The following CHST8 variants were observed in gnomAD, a reference collection of about 807,000 sequenced individuals.
The protein encoded by CHST8 is carbohydrate sulfotransferase 8.
In CHST8, 10 loss-of-function variants were observed where a neutral mutation model predicts 15.0. The ratio of observed to expected loss-of-function variants is 0.67; its 90% CI spans 0.41 to 1.13. The LOEUF (loss-of-function observed/expected upper bound fraction) is 1.13. Ranked by LOEUF, CHST8 falls within the 50% of genes most tolerant of loss-of-function variation. The pLI is 0.00. For synonymous variants in CHST8, 259 were observed against 256.6 expected, an observed-to-expected ratio of 1.01 and a Z score of -0.09; for missense variants, 634 against 608.2, an observed-to-expected ratio of 1.04 and a Z score of -0.45.
In CHST8 at chr19:33,650,518, C is replaced by CTTTTTTTTTTTTTTTT. The variant is rs869057036; in HGVS notation, c.-163-17235_-163-17220dup. Among the ~76,000 whole-genome samples, 277 of 36,158 alleles carry CTTTTTTTTTTTTTTTT rather than the reference C, an allele frequency of 7.7e-3. 22 individuals carry two copies. The highest frequency in any genetic ancestry group is 0.011 in the Non-Finnish European group (220 of 20,944). 23.7% of individuals were successfully genotyped at this position (36,158 alleles called of 152,430 possible). A position where few individuals can be genotyped will look rare whatever the true frequency, so the allele number is the denominator to read the frequency against. On this transcript the variant is annotated intron_variant, in intron 1 of 4. Transcript: ENST00000650847. ...TTCTTTTTCTTTTTCTTTTTCTTTTCTTTTTTTTTTTTTTTTTTTTTTTTT... is the reference window on the plus strand; with the variant it reads ...TTCTTTTTCTTTTTCTTTTTCTTTTCTTTTTTTTTTTTTTTTTTTTTTTTTTTTTTTTTTTTTTTTT...
At position 33,638,052 on chromosome 19, in the gene CHST8, C is replaced by A. The variant is rs540189468; in HGVS notation, c.-164+15756C>A. 5.9e-5 allele frequency among the ~76,000 whole-genome samples: 9 copies of A among 152,052 alleles called. No individual in the cohort carries two copies. The South Asian group carries it at 1.9e-3, about 32-fold the overall frequency. On this transcript the variant is annotated intron_variant, in intron 1 of 4. Coordinates refer to ENST00000650847, the MANE Select transcript of CHST8 (RefSeq NM_001127895.2). Reference sequence around the variant, plus strand: ...CTTGCTCTCATGTTTGTTTCCTGGGCGACTGTGTGATGGATCTTCCCTGCA... The same window carrying A: ...CTTGCTCTCATGTTTGTTTCCTGGGAGACTGTGTGATGGATCTTCCCTGCA...
chr19:33,743,681 T>G (rs1974250248), intron 3 of CHST8, among the ~76,000 whole-genome samples: 1 of 152,206 alleles, frequency 6.6e-6, no homozygotes, highest in Non-Finnish European at 1.5e-5. Flanking sequence ...TCTAGCAGCA[T>G]GTCTGCATCG....
chr19:33,757,530 A>G (rs866825981), intron 3 of CHST8, among the ~76,000 whole-genome samples: 1,932 of 29,390 alleles, frequency 0.066, 406 homozygotes, highest in Non-Finnish European at 0.096. Context: ...AAGAGAAAGA[A>G]AGAAAGAAAG....
chr19:33,656,877 A>G (rs1225966686), intron 1 of CHST8, among the ~76,000 whole-genome samples: 2 of 152,156 alleles, frequency 1.3e-5, no homozygotes, highest in African/African-American at 4.8e-5. Flanking sequence ...TTATCTATTT[A>G]TAATGTATCA....
chr19:33,712,767 G>A (rs1299464066), intron 3 of CHST8, among the ~76,000 whole-genome samples: 1 of 152,112 alleles, frequency 6.6e-6, no homozygotes, highest in Admixed American at 6.5e-5. Context: ...CAAGTGAGTT[G>A]AGGAGGAGAC....
At chr19:33,687,241 G>T (rs141169201) in intron 2 of CHST8, among the ~76,000 whole-genome samples, 128 of 152,368 alleles carry the variant, frequency 8.4e-4, no homozygotes, top group African/African-American at 1.9e-3. Flanking sequence ...TTACAGTGCT[G>T]CATCTGTGTC....
At chr19:33,755,640 G>T (rs923634894) in intron 3 of CHST8, among the ~76,000 whole-genome samples, 2 of 152,218 alleles carry the variant, frequency 1.3e-5, no homozygotes, top group African/African-American at 4.8e-5. Context: ...CCGCAAAGAG[G>T]TGCCCAAAAC....
At chr19:33,689,998 C>T (rs1973067090) in intron 3 of CHST8, among the ~76,000 whole-genome samples, 2 of 152,116 alleles carry the variant, frequency 1.3e-5, no homozygotes, top group Non-Finnish European at 2.9e-5. Context: ...TCTGGCATCT[C>T]AGGGCAGACG....
Position 33,759,335 on chromosome 19 carries a change from G to A in CHST8, c.131-12078G>A, listed in dbSNP as rs370862619. Among the ~76,000 whole-genome samples the A allele has an allele frequency of 8.5e-5, 13 of 152,376 alleles. No individual in the cohort carries two copies. In the East Asian group the frequency reaches 1.5e-3, roughly 18 times the overall value. ...AAATGAGGTGCCTTCCTGCAGAGCTGGCTGCAGAGTGGTCACCACGTGCCA... is the reference window on the plus strand; with the variant it reads ...AAATGAGGTGCCTTCCTGCAGAGCTAGCTGCAGAGTGGTCACCACGTGCCA... On this transcript the variant is annotated intron_variant, in intron 3 of 4. Coordinates refer to ENST00000650847, the MANE Select transcript of CHST8 (RefSeq NM_001127895.2).
At chr19:33,699,579 C>T (rs896541001) in intron 3 of CHST8, among the ~76,000 whole-genome samples, 25 of 152,146 alleles carry the variant, frequency 1.6e-4, no homozygotes, top group African/African-American at 6.0e-4. Flanking sequence ...AGGGGTCTCC[C>T]TCCGCAGCAC....
chr19:33,675,020 C>T (rs1972791333), intron 2 of CHST8, among the ~76,000 whole-genome samples: 1 of 152,092 alleles, frequency 6.6e-6, no homozygotes, highest in African/African-American at 2.4e-5. Flanking sequence ...CAGGATGGAG[C>T]CGTAGAGACA....
At chr19:33,624,226 C>A (rs1399071476) in intron 1 of CHST8, among the ~76,000 whole-genome samples, 1 of 152,196 alleles carries the variant, frequency 6.6e-6, no homozygotes, top group African/African-American at 2.4e-5. Flanking sequence ...CGAGAGGCAT[C>A]CATCAGGCAG....
In CHST8 at chr19:33,713,206, G is replaced by A. The variant is rs922709017; in HGVS notation, c.130+23815G>A. Among the ~76,000 whole-genome samples the A allele has an allele frequency of 2.0e-5, 3 of 152,170 alleles. No homozygotes were observed. The South Asian group carries it at 6.2e-4, about 31-fold the overall frequency. ...AAGACCTAATGTGATTCTGTGGGTG[G>A]GTGCAGGTGAAGTTCACCTGCTGCT... On this transcript the variant is annotated intron_variant, in intron 3 of 4. Coordinates refer to ENST00000650847, the MANE Select transcript of CHST8 (RefSeq NM_001127895.2).
At chr19:33,683,219 A>T (rs1018921547) in intron 2 of CHST8, among the ~76,000 whole-genome samples, 1 of 152,200 alleles carries the variant, frequency 6.6e-6, no homozygotes, top group African/African-American at 2.4e-5. Context: ...TTTGGAGGGG[A>T]CACATATCCA....
chr19:33,665,454 CT>C (rs1972644161), intron 1 of CHST8, among the ~76,000 whole-genome samples: 1 of 152,104 alleles, frequency 6.6e-6, no homozygotes, highest in African/African-American at 2.4e-5. Flanking sequence ...TCCAATAAAA[CT>C]TTATTTCCAG....
chr19:33,623,413 G>A (rs763234349), intron 1 of CHST8, among the ~76,000 whole-genome samples: 11 of 152,212 alleles, frequency 7.2e-5, no homozygotes, highest in African/African-American at 2.4e-4. Flanking sequence ...TGCTTGGCGC[G>A]ATCTGGCGCA....
At chr19:33,674,865 C>T (rs781142022) in intron 2 of CHST8, among the ~76,000 whole-genome samples, 26 of 152,202 alleles carry the variant, frequency 1.7e-4, no homozygotes, top group Non-Finnish European at 2.9e-4. Context: ...GTCATTCTCC[C>T]GTTGGCCAGG....
In CHST8 at chr19:33,712,954, T is replaced by C. The variant is rs1025549536; in HGVS notation, c.130+23563T>C. On this transcript the variant is annotated intron_variant, in intron 3 of 4. Transcript: ENST00000650847. ...CAAAATCCATAGCCCTGGGGCTCAT[T>C]TGTGGCTCCTCCTTCAATGATGTAT... is the stretch of plus-strand genomic sequence containing the variant. Among the ~76,000 whole-genome samples, 14 of 152,314 alleles carry C rather than the reference T, an allele frequency of 9.2e-5. No individual in the cohort carries two copies. The South Asian group carries it at 2.9e-3, about 32-fold the overall frequency.
intron 3 of CHST8, among the ~76,000 whole-genome samples, chr19:33,698,199 C>T (rs1328929497): frequency 6.6e-6 from 1 of 152,126 alleles, no homozygotes; most frequent in African/African-American, 2.4e-5. Context: ...ATTGCTTGAA[C>T]TCAGAAGGCA....
Sources: gnomAD v4.1 joint callset for allele counts (sites outside exome capture counted in the v4.1 genomes callset) on GRCh38, gnomAD v4.1.1 for gene constraint, MANE v1.5 for transcripts, NCBI Gene and HGNC (gene_info 2026-07-23, HGNC 2026-07-21) for gene names.